ZMIZ2: variants seen among roughly 807,000 people sequenced by gnomAD.
The protein encoded by ZMIZ2 is zinc finger MIZ domain-containing protein 2.
A neutral mutation model predicts 93.9 loss-of-function variants in ZMIZ2; 26 were observed. That is an observed-to-expected ratio of 0.28 (90% CI 0.20 to 0.38). The LOEUF (loss-of-function observed/expected upper bound fraction) is 0.38, where lower values mean the gene tolerates loss of function less well. Among genes scored for constraint, ZMIZ2 ranks in the 10% least tolerant of loss-of-function variants. ZMIZ2 has a pLI of 1.00. For synonymous variants in ZMIZ2, 485 were observed against 516.4 expected, an observed-to-expected ratio of 0.94 and a Z score of 0.82; for missense variants, 1,023 against 1,235.0, an observed-to-expected ratio of 0.83 and a Z score of 2.57.
rs762229182 is a variant in ZMIZ2, at chr7:44,759,333, C to T, written c.866C>T (p.Ala289Val). Reference sequence around the variant, plus strand: ...GGAGGCCAGTATGCACCCAGCACCGCCCAGTTTGCGCCCAGCCCTGGGCAG... The same window carrying T: ...GGAGGCCAGTATGCACCCAGCACCGTCCAGTTTGCGCCCAGCCCTGGGCAG... ...LQGGQYAPST[A>V]QFAPSPGQPP... Residue 289 changes from alanine to valine, a missense_variant, in exon 7 of 19, where the codon GCC becomes GTC. By Grantham distance (64) the Ala-to-Val change is moderately conservative. Coordinates refer to ENST00000309315, the MANE Select transcript of ZMIZ2 (RefSeq NM_031449.4). 7 of 1,604,338 alleles carry T rather than the reference C, an allele frequency of 4.4e-6. No homozygotes were observed. Among genetic ancestry groups the T allele is most frequent in the South Asian group, 3.3e-5 (3 of 89,744 alleles).
At chr7:44,749,014 C>A (rs1359445409) in intron 1 of ZMIZ2, 23 bp downstream of exon 1, 1 of 151,890 alleles carries the variant, frequency 6.6e-6, no homozygotes, top group Non-Finnish European at 1.5e-5. Context: ...CTGGGGGTGG[C>A]CCCTGGCAAC....
intron 7 of ZMIZ2, 29 bp downstream of exon 7, chr7:44,759,489 C>T (rs371534634): frequency 7.7e-6 from 11 of 1,436,342 alleles, no homozygotes; most frequent in African/African-American, 7.4e-5. Flanking sequence ...GGCCCTGTGC[C>T]GGGCTCCGTG....
In ZMIZ2 at chr7:44,761,636, TTCC is replaced by T. The variant is rs1436648427; in HGVS notation, c.1385+50_1386-50del. 1.2e-6 allele frequency: 2 copies of T among 1,613,316 alleles called. No individual in the cohort carries two copies. ...CCCACCTGACCCCCACGAGGCTCTG[TTCC>T]TCCTCCCACACTCTCAGGGCCCGTT... On this transcript the variant is annotated intron_variant, in intron 10 of 18. Transcript: ENST00000309315. This position sits in a 1 kb window ranked among gnomAD's most constrained non-coding sequence, Gnocchi z 5.8.
At position 44,763,576 on chromosome 7, in the gene ZMIZ2, C is replaced by T. The variant is rs2116856608; in HGVS notation, c.1860+163C>T. 1 of 893,680 alleles carries T rather than the reference C, an allele frequency of 1.1e-6. No individual in the cohort carries two copies. Among genetic ancestry groups the T allele is most frequent in the East Asian group, 2.7e-5 (1 of 37,460 alleles). 55.4% of individuals were successfully genotyped at this position (893,680 alleles called of 1,614,324 possible). On this transcript the variant is annotated intron_variant, in intron 13 of 18. Coordinates refer to ENST00000309315, the MANE Select transcript of ZMIZ2 (RefSeq NM_031449.4). This position sits in a 1 kb window ranked among gnomAD's most constrained non-coding sequence, Gnocchi z 5.6. ...CAAGGAGGCAGGTGGGCCTGGCTCC[C>T]CCAAGACTAGGCTATTTTTTCTTCC...
rs772227029 is a variant in ZMIZ2, at chr7:44,761,738, C to T, written c.1429C>T (p.Arg477Trp). 1.2e-6 allele frequency: 2 copies of T among 1,614,102 alleles called. No individual in the cohort carries two copies. The highest frequency in any genetic ancestry group is 1.7e-6 in the Non-Finnish European group (2 of 1,180,020). The change falls in exon 11 of 19, where the codon CGG becomes TGG. Residue 477 changes from arginine (R) to tryptophan (W), a missense_variant. By Grantham distance (101) the Arg-to-Trp change is moderately radical (BLOSUM62 -3). Coordinates refer to ENST00000309315, the MANE Select transcript of ZMIZ2 (RefSeq NM_031449.4). This position sits in a 1 kb window ranked among gnomAD's most constrained non-coding sequence, Gnocchi z 5.8. ...LQFKCYHHED[R>W]QMNTNWPASV... ...ATTCAAGTGCTACCACCACGAGGAC[C>T]GGCAGATGAACACCAACTGGCCAGC...
chr7:44,767,739 A>C lies in ZMIZ2; in HGVS notation c.*116A>C. On this transcript the variant is annotated 3_prime_UTR_variant, in exon 19 of 19. Coordinates refer to ENST00000309315, the MANE Select transcript of ZMIZ2 (RefSeq NM_031449.4). ...GTCTTTCCCAAACCTCCCCCAAAACACACCTGGAGCCAGAGCCTTCTGCCG... is the reference window on the plus strand; with the variant it reads ...GTCTTTCCCAAACCTCCCCCAAAACCCACCTGGAGCCAGAGCCTTCTGCCG... The C allele has an allele frequency of 1.1e-5, 10 of 873,914 alleles. No homozygotes were observed. The highest frequency in any genetic ancestry group is 1.8e-5 in the Non-Finnish European group (10 of 548,864). 54.1% of individuals were successfully genotyped at this position (873,914 alleles called of 1,614,324 possible). A position where few individuals can be genotyped will look rare whatever the true frequency, so the allele number is the denominator to read the frequency against.
chr7:44,756,830 C>T (rs905646133), intron 3 of ZMIZ2, 117 bp from the exon 4 acceptor site: 29 of 1,158,302 alleles, frequency 2.5e-5, no homozygotes, highest in African/African-American at 3.1e-5. Context: ...TATACCCTGT[C>T]CCCCCCACCT....
intron 11 of ZMIZ2, among the ~76,000 whole-genome samples, chr7:44,762,157 T>G (rs996150533): frequency 1.3e-5 from 2 of 152,252 alleles, no homozygotes; most frequent in Non-Finnish European, 2.9e-5. Context: ...ACGTGGGGGC[T>G]TTATTATTTC....
chr7:44,756,373 T>C (rs1020314110), intron 2 of ZMIZ2, 52 bp from the exon 3 acceptor site: 1 of 1,613,918 alleles, frequency 6.2e-7, no homozygotes, highest in Admixed American at 1.7e-5. Context: ...TCCTAGACTC[T>C]TGGACACCAG....
intron 1 of ZMIZ2, 67 bp downstream of exon 1, chr7:44,749,058 A>AGGTGC (rs1554317102): frequency 4.6e-5 from 7 of 152,376 alleles, no homozygotes; most frequent in South Asian, 3.8e-4. Flanking sequence ...CGGCGGGGGC[A>AGGTGC]GGCAGGTGCG....
chr7:44,759,354 G>T lies in ZMIZ2; in HGVS notation c.887G>T (p.Gly296Val). 5.0e-6 allele frequency: 8 copies of T among 1,605,316 alleles called. No homozygotes were observed. The highest frequency in any genetic ancestry group is 6.8e-6 in the Non-Finnish European group (8 of 1,176,194). Residue 296 changes from glycine to valine, a missense_variant, in exon 7 of 19, where the codon GGG becomes GTG. Coordinates refer to ENST00000309315, the MANE Select transcript of ZMIZ2 (RefSeq NM_031449.4). ...PSTAQFAPSP[G>V]QPPAPSPSYP... ...ACCGCCCAGTTTGCGCCCAGCCCTG[G>T]GCAGCCCCCTGCCCCCTCCCCTTCC... is the stretch of plus-strand genomic sequence containing the variant.
chr7:44,764,302 G>GT, intron 13 of ZMIZ2, 117 bp from the exon 14 acceptor site: 2 of 910,586 alleles, frequency 2.2e-6, no homozygotes, highest in Non-Finnish European at 3.5e-6. Flanking sequence ...GGTACATGCA[G>GT]TATCTCAGTT....
At chr7:44,757,287 T>G in intron 4 of ZMIZ2, 91 bp from the exon 5 acceptor site, 2 of 1,527,678 alleles carry the variant, frequency 1.3e-6, no homozygotes, top group Non-Finnish European at 1.7e-6. Context: ...AAGAATGGGC[T>G]CCCCCTGGGT....
At position 44,767,532 on chromosome 7, in the gene ZMIZ2, C is replaced by T; in HGVS notation, c.2672C>T (p.Thr891Ile). The T allele has an allele frequency of 6.2e-7, 1 of 1,614,102 alleles. No homozygotes were observed. The highest frequency in any genetic ancestry group is 8.5e-7 in the Non-Finnish European group (1 of 1,180,008). The part of the protein sequence containing the change: ...EPALDLLPEL[T>I]NPDELLSYLG... ...TGTCCTCAGCTGCTCCCGGAACTGACCAACCCTGATGAGCTACTGTCCTAC... is the reference window on the plus strand; with the variant it reads ...TGTCCTCAGCTGCTCCCGGAACTGATCAACCCTGATGAGCTACTGTCCTAC... Residue 891 changes from threonine to isoleucine, a missense_variant, in exon 19 of 19, where the codon ACC becomes ATC. Transcript: ENST00000309315.
chr7:44,761,902 CTGCG>C lies in ZMIZ2; in HGVS notation c.1596+4_1596+7del. ...TCCAGATCACCGTCACCGCCTGCTG[CTGCG>C]TGCGTGTCCTGCGCCGAGGGGGCGG... On this transcript the variant is annotated splice_donor_variant and coding_sequence_variant, in exon 11 of 19. Coordinates refer to ENST00000309315, the MANE Select transcript of ZMIZ2 (RefSeq NM_031449.4). LOFTEE classifies it high-confidence loss of function. The surrounding 1 kb of genome is among the most constrained non-coding windows in gnomAD (Gnocchi z 5.8). 6.3e-7 allele frequency: 1 copy of C among 1,592,836 alleles called. No individual in the cohort carries two copies. Among genetic ancestry groups the C allele is most frequent in the Non-Finnish European group, 8.6e-7 (1 of 1,167,338 alleles).
chr7:44,761,608 G>GCCCCCACCTGA lies in ZMIZ2; in HGVS notation c.1385+23_1385+33dup. The GCCCCCACCTGA allele has an allele frequency of 2.5e-6, 4 of 1,613,732 alleles. No homozygotes were observed. The highest frequency in any genetic ancestry group is 3.4e-6 in the Non-Finnish European group (4 of 1,179,862). On this transcript the variant is annotated intron_variant, in intron 10 of 18. Transcript: ENST00000309315. This position sits in a 1 kb window ranked among gnomAD's most constrained non-coding sequence, Gnocchi z 5.8. ...CTGATAATGAGGTGAGCTCCGCCTG[G>GCCCCCACCTGA]CCCCCACCTGACCCCCACGAGGCTC...
In ZMIZ2 at chr7:44,766,122, C is replaced by A. The variant is rs756409223; in HGVS notation, c.2243-42C>A. ...CTCCTGGCTCCTCTGCCAGCGGTGG[C>A]CTTCCCCAGCCCTCACCCAGGCCCC... is the stretch of plus-strand genomic sequence containing the variant. On this transcript the variant is annotated intron_variant, in intron 16 of 18. Coordinates refer to ENST00000309315, the MANE Select transcript of ZMIZ2 (RefSeq NM_031449.4). This position sits in a 1 kb window ranked among gnomAD's most constrained non-coding sequence, Gnocchi z 4.4. 1 of 1,543,770 alleles carries A rather than the reference C, an allele frequency of 6.5e-7. No individual in the cohort carries two copies. Among genetic ancestry groups the A allele is most frequent in the South Asian group, 1.2e-5 (1 of 80,996 alleles).
At chr7:44,758,965 C>G (rs1018682908) in intron 6 of ZMIZ2, among the ~76,000 whole-genome samples, 3 of 150,912 alleles carry the variant, frequency 2.0e-5, no homozygotes, top group Non-Finnish European at 4.4e-5. Flanking sequence ...ACCTGTAATT[C>G]CAGCTACTTG....
At chr7:44,748,770 C>A (rs1217850318), upstream of ZMIZ2, 2 of 151,570 alleles carry the variant, frequency 1.3e-5, no homozygotes, top group Non-Finnish European at 3.0e-5. Context: ...CGGCTCGGGG[C>A]TCTGCTGCTC....
Sources: allele counts gnomAD v4.1 joint callset (sites outside exome capture counted in the v4.1 genomes callset), GRCh38; gene constraint gnomAD v4.1.1; non-coding constraint Gnocchi (gnomAD v3.1); transcripts MANE v1.5; gene names NCBI Gene and HGNC (gene_info 2026-07-23, HGNC 2026-07-21).